The following ZNF469 variants were observed in gnomAD, a reference collection of about 807,000 sequenced individuals.
The protein encoded by ZNF469 is zinc finger protein 469.
A neutral mutation model predicts 1.0 loss-of-function variants in ZNF469; 1 was observed. The ratio of observed to expected loss-of-function variants is 1.00; its 90% CI spans 0.35 to 4.73. ZNF469 has a LOEUF of 4.73. ZNF469 is among the 30% of genes most tolerant of loss of function. ZNF469 has a pLI of 0.16. For synonymous variants in ZNF469, 2,703 were observed against 2,363.4 expected, an observed-to-expected ratio of 1.14 and a Z score of -4.17; for missense variants, 6,100 against 5,356.3, an observed-to-expected ratio of 1.14 and a Z score of -4.33.
At chr16:88,326,230 A>G in the ZNF469 span, among the ~76,000 whole-genome samples, 2 of 152,194 alleles carry the variant, frequency 1.3e-5, no homozygotes, top group African/African-American at 4.8e-5. Context: ...TGTTCTCGTG[A>G]TAGTGAATAA....
the ZNF469 span, among the ~76,000 whole-genome samples, chr16:88,269,905 C>G: frequency 6.6e-6 from 1 of 152,096 alleles, no homozygotes; most frequent in African/African-American, 2.4e-5. Flanking sequence ...TTCTCCTGCC[C>G]ACGCCCTGGA....
chr16:88,418,789 C>G (rs892316055), intron 1 of ZNF469, among the ~76,000 whole-genome samples: 1 of 152,202 alleles, frequency 6.6e-6, no homozygotes, highest in African/African-American at 2.4e-5. Context: ...ATAATTTTAC[C>G]TGCAAAGGTT....
chr16:88,195,574 G>A, the ZNF469 span, among the ~76,000 whole-genome samples: 8 of 152,314 alleles, frequency 5.3e-5, no homozygotes, highest in South Asian at 2.1e-4. Context: ...AAAGTTGGAC[G>A]TGTCTTGGGG....
In ZNF469 at chr16:88,430,586, G is replaced by A; in HGVS notation, c.3116G>A (p.Arg1039Lys). The change falls in exon 3 of 3, where the codon AGG becomes AAG. Residue 1039 changes from arginine (R) to lysine (K), a missense_variant. Transcript: ENST00000565624. Reference sequence around the variant, plus strand: ...CCCCCCAGGAAGGACCCCAGGAAGAGGAAGGCTCGGGGCGGCGCCTGGGGC... The same window carrying A: ...CCCCCCAGGAAGGACCCCAGGAAGAAGAAGGCTCGGGGCGGCGCCTGGGGC... ...RLPPRKDPRK[R>K]KARGGAWGKE... 1.3e-6 allele frequency: 2 copies of A among 1,501,302 alleles called. No individual in the cohort carries two copies. Among genetic ancestry groups the A allele is most frequent in the Non-Finnish European group, 8.8e-7 (1 of 1,132,102 alleles). The allele number at this position is 1,501,302 out of a possible 1,614,324, so 93.0% of individuals were successfully genotyped here.
chr16:88,427,550 C>G lies in ZNF469; in HGVS notation c.80C>G (p.Pro27Arg). Reference protein sequence around the residue: ...DLQPRQVASSPGHPSQPPLED... With the variant: ...DLQPRQVASSRGHPSQPPLED... ...CAGCCCCGCCAAGTTGCCAGCAGCC[C>G]GGGGCACCCCTCCCAGCCGCCACTG... The change falls in exon 3 of 3, where the codon CCG becomes CGG. Residue 27 changes from proline to arginine, a missense_variant. Pro to Arg is a moderately radical substitution (Grantham distance 103). Transcript: ENST00000565624. 6.5e-7 allele frequency: 1 copy of G among 1,536,932 alleles called. No individual in the cohort carries two copies. Among genetic ancestry groups the G allele is most frequent in the Non-Finnish European group, 8.7e-7 (1 of 1,146,318 alleles).
rs527275640 is a variant in ZNF469, at chr16:88,420,584, C to T, written c.-191-4223C>T. Among the ~76,000 whole-genome samples the T allele has an allele frequency of 6.5e-4, 99 of 152,268 alleles. 1 individual carries two copies. The highest frequency in any genetic ancestry group is 3.4e-3 in the Middle Eastern group (1 of 294). On this transcript the variant is annotated intron_variant, in intron 1 of 2. Coordinates refer to ENST00000565624, the MANE Select transcript of ZNF469 (RefSeq NM_001367624.2). ...GGCCACCAGGATGTGGAACGACAGG[C>T]GCCCTTTGAGAATTGCAGGATCATG...
rs1246612009 is a variant in ZNF469, at chr16:88,437,674, T to C, written c.10204T>C (p.Tyr3402His). 12 of 1,549,272 alleles carry C rather than the reference T, an allele frequency of 7.7e-6. No individual in the cohort carries two copies. Among genetic ancestry groups the C allele is most frequent in the Non-Finnish European group, 1.0e-5 (12 of 1,146,254 alleles). The change falls in exon 3 of 3, where the codon TAT becomes CAT. Residue 3402 changes from tyrosine (Y) to histidine (H), a missense_variant. Physicochemically the swap from Tyr to His is moderately conservative, Grantham distance 83. Transcript: ENST00000565624. ...ERPELQHTPLYACELCATVMR... is the reference protein window; with the variant it reads ...ERPELQHTPLHACELCATVMR... ...GCCGGAGCTGCAGCACACGCCGCTG[T>C]ATGCCTGCGAGCTCTGCGCCACGGT...
chr16:88,166,345 C>T, the ZNF469 span, among the ~76,000 whole-genome samples: 8 of 152,214 alleles, frequency 5.3e-5, no homozygotes, highest in East Asian at 7.7e-4. The surrounding 1 kb of genome is among the most constrained non-coding windows in gnomAD (Gnocchi z 4.5). Context: ...CAACTGTGGA[C>T]GCAAGCATGA....
At chr16:88,210,571 A>G in the ZNF469 span, among the ~76,000 whole-genome samples, 1 of 152,152 alleles carries the variant, frequency 6.6e-6, no homozygotes, top group South Asian at 2.1e-4. Flanking sequence ...TTACATATAG[A>G]TCTCTAATCC....
the ZNF469 span, among the ~76,000 whole-genome samples, chr16:88,134,612 T>C: frequency 6.6e-6 from 1 of 152,252 alleles, no homozygotes; most frequent in Non-Finnish European, 1.5e-5. Flanking sequence ...GCCAGGCGGA[T>C]GTCCAAGTAG....
the ZNF469 span, among the ~76,000 whole-genome samples, chr16:88,214,294 G>A: frequency 7.2e-5 from 11 of 152,188 alleles, no homozygotes; most frequent in African/African-American, 2.7e-4. Context: ...CTCACAGCAA[G>A]GATTTCCTAT....
At chr16:88,406,183 T>G (rs187901500) in intron 1 of ZNF469, among the ~76,000 whole-genome samples, 48 of 152,270 alleles carry the variant, frequency 3.2e-4, no homozygotes, top group Middle Eastern at 3.4e-3. Context: ...GAAACCGCCC[T>G]TCCGTGGGGC....
At chr16:88,277,513 G>A in the ZNF469 span, among the ~76,000 whole-genome samples, 1 of 145,470 alleles carries the variant, frequency 6.9e-6, no homozygotes, top group Non-Finnish European at 1.5e-5. Context: ...GTACCGTGTA[G>A]ATATCAGTGC....
the ZNF469 span, among the ~76,000 whole-genome samples, chr16:88,223,235 C>G: frequency 3.3e-5 from 5 of 152,192 alleles, no homozygotes; most frequent in Non-Finnish European, 7.3e-5. Context: ...GCCGTTTCCT[C>G]TATTCTGTTC....
chr16:88,430,768 G>A lies in ZNF469; in HGVS notation c.3298G>A (p.Glu1100Lys), dbSNP rs943263671. The change falls in exon 3 of 3, where the codon GAG (glutamate) becomes AAG (lysine). Residue 1100 changes from glutamate to lysine, a missense_variant. By Grantham distance (56) the Glu-to-Lys change is moderately conservative. Transcript: ENST00000565624. Reference protein sequence around the residue: ...REYDFASESEEDEQPPPRGPG... With the variant: ...REYDFASESEKDEQPPPRGPG... ...GTACGACTTCGCCTCGGAGTCCGAGGAGGACGAGCAGCCTCCGCCGCGGGG... is the reference window on the plus strand; with the variant it reads ...GTACGACTTCGCCTCGGAGTCCGAGAAGGACGAGCAGCCTCCGCCGCGGGG... 3 of 1,520,244 alleles carry A rather than the reference G, an allele frequency of 2.0e-6. No homozygotes were observed. Among genetic ancestry groups the A allele is most frequent in the Non-Finnish European group, 1.8e-6 (2 of 1,140,998 alleles). 94.2% of individuals were successfully genotyped at this position (1,520,244 alleles called of 1,614,324 possible). A position where few individuals can be genotyped will look rare whatever the true frequency, so the allele number is the denominator to read the frequency against.
chr16:88,416,372 C>G (rs138784186), intron 1 of ZNF469, among the ~76,000 whole-genome samples: 1 of 152,214 alleles, frequency 6.6e-6, no homozygotes, highest in Non-Finnish European at 1.5e-5. Context: ...GCGTCCTCAT[C>G]TGTGAGATGG....
At chr16:88,322,135 G>A in the ZNF469 span, among the ~76,000 whole-genome samples, 1 of 152,220 alleles carries the variant, frequency 6.6e-6, no homozygotes, top group Non-Finnish European at 1.5e-5. Context: ...GGTGCCGCCT[G>A]GGCTGCTCCG....
intron 2 of ZNF469, among the ~76,000 whole-genome samples, chr16:88,425,308 G>C (rs940521185): frequency 6.6e-6 from 1 of 152,200 alleles, no homozygotes; most frequent in African/African-American, 2.4e-5. Flanking sequence ...ACCTCCTGGA[G>C]GACTCTGGCC....
the ZNF469 span, among the ~76,000 whole-genome samples, chr16:88,336,050 G>A: frequency 9.8e-3 from 1,331 of 135,378 alleles, 12 homozygotes; most frequent in African/African-American, 0.033. Flanking sequence ...TACCACACAC[G>A]TTCATCCTTC....
Sources: allele counts gnomAD v4.1 joint callset (sites outside exome capture counted in the v4.1 genomes callset), GRCh38; gene constraint gnomAD v4.1.1; non-coding constraint Gnocchi (gnomAD v3.1); transcripts MANE v1.5; gene names NCBI Gene and HGNC (gene_info 2026-07-23, HGNC 2026-07-21).